The following NSMCE2 variants were observed in gnomAD, a reference collection of about 807,000 sequenced individuals.
NSMCE2 encodes NSE2 SUMO ligase component of SMC5/6 complex.
In NSMCE2, 24 loss-of-function variants were observed where a neutral mutation model predicts 23.8. The ratio of observed to expected loss-of-function variants is 1.01; its 90% CI spans 0.73 to 1.42. The LOEUF (loss-of-function observed/expected upper bound fraction) is 1.42, where lower values mean the gene tolerates loss of function less well. Among genes scored for constraint, NSMCE2 ranks in the 40% most tolerant of loss-of-function variants. NSMCE2 has a pLI of 0.00. For missense variants in NSMCE2, 284 were observed against 296.5 expected (o/e 0.96, Z 0.31); for synonymous variants, 92 against 94.1 (o/e 0.98, Z 0.13).
At chr8:125,315,787 T>C (rs1829153096) in intron 5 of NSMCE2, among the ~76,000 whole-genome samples, 1 of 145,004 alleles carries the variant, frequency 6.9e-6, no homozygotes, top group Non-Finnish European at 1.5e-5. Context: ...TGATTTTCCT[T>C]TGTTGGTACC....
At chr8:125,184,687 TG>T (rs1214335703) in intron 5 of NSMCE2, among the ~76,000 whole-genome samples, 2 of 152,134 alleles carry the variant, frequency 1.3e-5, no homozygotes, top group South Asian at 2.1e-4. Flanking sequence ...ATATAATACT[TG>T]TATTATACTA....
chr8:125,204,215 T>C (rs1034680419), intron 5 of NSMCE2, among the ~76,000 whole-genome samples: 1 of 152,228 alleles, frequency 6.6e-6, no homozygotes, highest in African/African-American at 2.4e-5. Context: ...GAATAAAAGA[T>C]AGGTCAAGGC....
At chr8:125,205,099 C>T (rs574963329) in intron 5 of NSMCE2, among the ~76,000 whole-genome samples, 58 of 152,332 alleles carry the variant, frequency 3.8e-4, no homozygotes, top group African/African-American at 1.3e-3. Flanking sequence ...TGTAGACTTT[C>T]ACTCTTGCTG....
chr8:125,346,473 T>C lies in NSMCE2; in HGVS notation c.419-10746T>C, dbSNP rs551845923. ...GCAAAGGGCGCTCCTTACCTTCTGA[T>C]CTTTGCTTTCTTCAGACTTTACTGA... On this transcript the variant is annotated intron_variant, in intron 5 of 7. Coordinates refer to ENST00000287437, the MANE Select transcript of NSMCE2 (RefSeq NM_173685.4). Among the ~76,000 whole-genome samples the C allele has an allele frequency of 2.0e-5, 3 of 152,358 alleles. No individual in the cohort carries two copies. The South Asian group carries it at 6.2e-4, about 32-fold the overall frequency.
At position 125,213,485 on chromosome 8, in the gene NSMCE2, GTCTCCTCTCCTCTCCTCTCCTCTCC is replaced by G. The variant is rs141971083; in HGVS notation, c.418+31260_418+31284del. Among the ~76,000 whole-genome samples, 553 of 75,148 alleles carry G rather than the reference GTCTCCTCTCCTCTCCTCTCCTCTCC, an allele frequency of 7.4e-3. 4 individuals carry two copies. The highest frequency in any genetic ancestry group is 0.014 in the African/African-American group (220 of 15,736). 49.3% of individuals were successfully genotyped at this position (75,148 alleles called of 152,430 possible). On this transcript the variant is annotated intron_variant, in intron 5 of 7. Coordinates refer to ENST00000287437, the MANE Select transcript of NSMCE2 (RefSeq NM_173685.4). ...ATGGTAGTCTACCTAAGGCACCCAT[GTCTCCTCTCCTCTCCTCTCCTCTCC>G]TCTCCTCTCCTCTCCTCTCCTCTCC...
intron 5 of NSMCE2, among the ~76,000 whole-genome samples, chr8:125,305,801 T>C (rs1828731747): frequency 6.6e-6 from 1 of 152,234 alleles, no homozygotes; most frequent in South Asian, 2.1e-4. Context: ...GTATAAATTT[T>C]TAGTCAGCTG....
chr8:125,196,128 C>T (rs1271311070), intron 5 of NSMCE2, among the ~76,000 whole-genome samples: 3 of 151,580 alleles, frequency 2.0e-5, no homozygotes, highest in Admixed American at 1.3e-4. Flanking sequence ...ATGTGATCCT[C>T]CTGCCTTGGC....
intron 5 of NSMCE2, among the ~76,000 whole-genome samples, chr8:125,301,357 C>T (rs1196840586): frequency 6.6e-6 from 1 of 152,190 alleles, no homozygotes; most frequent in Non-Finnish European, 1.5e-5. Context: ...TGCAGTGGCT[C>T]ATGGTATCCA....
intron 4 of NSMCE2, among the ~76,000 whole-genome samples, chr8:125,170,429 G>A (rs752355752): frequency 8.3e-4 from 88 of 105,688 alleles, no homozygotes; most frequent in Middle Eastern, 0.012. Flanking sequence ...ACAGAGTCTC[G>A]CTCTCTTGGC....
chr8:125,181,045 G>T (rs1822779357), intron 4 of NSMCE2, among the ~76,000 whole-genome samples: 1 of 152,164 alleles, frequency 6.6e-6, no homozygotes, highest in Admixed American at 6.5e-5. Flanking sequence ...GGTGAGTTTT[G>T]CTTGGCAGCA....
chr8:125,357,909 G>C, intron 7 of NSMCE2, 91 bp downstream of exon 7: 1 of 849,472 alleles, frequency 1.2e-6, no homozygotes, highest in Middle Eastern at 2.7e-4. Flanking sequence ...GCACTTCAAT[G>C]TCTCTTCTAA....
chr8:125,227,007 G>C (rs368068745), intron 5 of NSMCE2, among the ~76,000 whole-genome samples: 10 of 152,046 alleles, frequency 6.6e-5, no homozygotes, highest in African/African-American at 2.4e-4. Context: ...CTTTGCCTAG[G>C]GACTCACCAG....
At chr8:125,343,376 T>C (rs1830316282) in intron 5 of NSMCE2, among the ~76,000 whole-genome samples, 1 of 152,240 alleles carries the variant, frequency 6.6e-6, no homozygotes, top group African/African-American at 2.4e-5. Context: ...CAGGTCTAGA[T>C]TTATTTTGCT....
intron 4 of NSMCE2, among the ~76,000 whole-genome samples, chr8:125,178,007 CACA>C (rs367670110): frequency 3.4e-4 from 52 of 152,306 alleles, no homozygotes; most frequent in African/African-American, 1.1e-3. Flanking sequence ...GTCTTCCTCT[CACA>C]ACAAGAGTTG....
chr8:125,174,188 T>G (rs1361067296), intron 4 of NSMCE2, among the ~76,000 whole-genome samples: 2 of 152,190 alleles, frequency 1.3e-5, no homozygotes, highest in African/African-American at 2.4e-5. Context: ...TGCTTGATTA[T>G]TTGAATATTT....
intron 3 of NSMCE2, chr8:125,127,020 C>T (rs1224516761): frequency 6.6e-6 from 1 of 152,192 alleles, no homozygotes; most frequent in Non-Finnish European, 1.5e-5. Flanking sequence ...ATGTACATAA[C>T]ACAGGCAGCC....
At chr8:125,274,772 A>C (rs1827374236) in intron 5 of NSMCE2, among the ~76,000 whole-genome samples, 1 of 152,036 alleles carries the variant, frequency 6.6e-6, no homozygotes. Context: ...TCTACTAAAA[A>C]TACAAAAATT....
intron 5 of NSMCE2, among the ~76,000 whole-genome samples, chr8:125,282,828 T>C (rs915306854): frequency 1.3e-5 from 2 of 152,270 alleles, no homozygotes; most frequent in African/African-American, 4.8e-5. Context: ...ATGCCATGTG[T>C]AACACAGTGT....
chr8:125,217,813 A>G (rs1270164789), intron 5 of NSMCE2, among the ~76,000 whole-genome samples: 2 of 151,376 alleles, frequency 1.3e-5, no homozygotes, highest in Admixed American at 6.6e-5. Flanking sequence ...CCATTTCTCT[A>G]TCTTCTCCAG....
Sources: allele counts gnomAD v4.1 joint callset (sites outside exome capture counted in the v4.1 genomes callset), GRCh38; gene constraint gnomAD v4.1.1; transcripts MANE v1.5; gene names NCBI Gene and HGNC (gene_info 2026-07-23, HGNC 2026-07-21).